The following UBR4 variants were observed in gnomAD, a reference collection of about 807,000 sequenced individuals.
UBR4 encodes the protein E3 ubiquitin-protein ligase UBR4.
A neutral mutation model predicts 575.6 loss-of-function variants in UBR4; 124 were observed. The ratio of observed to expected loss-of-function variants is 0.22; its 90% CI spans 0.19 to 0.25. UBR4 has a LOEUF of 0.25. Among genes scored for constraint, UBR4 ranks in the 10% least tolerant of loss-of-function variants. The probability of loss-of-function intolerance (pLI) is 1.00; values close to 1 mark genes in which losing one functional copy is unlikely to be tolerated. For synonymous variants in UBR4, 2,455 were observed against 2,473.7 expected (o/e 0.99, Z 0.22); for missense variants, 4,818 against 6,478.8 (o/e 0.74, Z 8.80).
intron 101 of UBR4, among the ~76,000 whole-genome samples, chr1:19,085,913 G>A (rs1023454188): frequency 6.6e-6 from 1 of 152,136 alleles, no homozygotes; most frequent in Non-Finnish European, 1.5e-5. Flanking sequence ...TGGAAGCTAA[G>A]GGTGCTGGTT....
intron 104 of UBR4, among the ~76,000 whole-genome samples, chr1:19,077,294 T>G (rs1416156633): frequency 6.6e-6 from 1 of 152,222 alleles, no homozygotes; most frequent in African/African-American, 2.4e-5. Flanking sequence ...TGTTATAAGC[T>G]GGCTGCGGTA....
chr1:19,156,674 C>T, intron 41 of UBR4, 93 bp downstream of exon 41: 1 of 1,501,422 alleles, frequency 6.7e-7, no homozygotes, highest in East Asian at 2.3e-5. Flanking sequence ...TTAATCTCCA[C>T]AACGAATAAG....
At chr1:19,094,831 A>G (rs558863307) in intron 94 of UBR4, 75 bp downstream of exon 94, 16 of 1,573,072 alleles carry the variant, frequency 1.0e-5, no homozygotes, top group African/African-American at 1.4e-5. Flanking sequence ...AGCCAGACAC[A>G]AACAGGCCTG....
chr1:19,202,556 A>G (rs973031455), intron 1 of UBR4, among the ~76,000 whole-genome samples: 1 of 152,192 alleles, frequency 6.6e-6, no homozygotes, highest in Non-Finnish European at 1.5e-5. Context: ...GATCAGTGCT[A>G]AAGTCCAAAA....
intron 66 of UBR4, among the ~76,000 whole-genome samples, 180 bp from the exon 67 acceptor site, chr1:19,122,192 G>A (rs1182183438): frequency 1.3e-5 from 2 of 152,196 alleles, no homozygotes; most frequent in Non-Finnish European, 2.9e-5. Context: ...ACACACTGCT[G>A]CAACCGCTGC....
chr1:19,078,070 G>A lies in UBR4; in HGVS notation c.15234-4C>T, dbSNP rs751418000. On this transcript the variant is annotated splice_polypyrimidine_tract_variant and splice_region_variant and intron_variant, in intron 103 of 105. Transcript: ENST00000375254. ...CTTCACTGCCTTATCTGTCAGCCTGGAAAAGAAAATCCAGTTCCATCACAT... is the reference window on the plus strand; with the variant it reads ...CTTCACTGCCTTATCTGTCAGCCTGAAAAAGAAAATCCAGTTCCATCACAT... 4 of 1,613,574 alleles carry A rather than the reference G, an allele frequency of 2.5e-6. No homozygotes were observed. The highest frequency in any genetic ancestry group is 3.4e-6 in the Non-Finnish European group (4 of 1,179,840).
chr1:19,142,325 T>C (rs1313117674), intron 55 of UBR4, among the ~76,000 whole-genome samples: 2 of 152,240 alleles, frequency 1.3e-5, no homozygotes, highest in African/African-American at 4.8e-5. Context: ...GTGCCCACTT[T>C]TGTGTGAAGG....
At chr1:19,190,312 A>AAAATATATATATAT in intron 11 of UBR4, among the ~76,000 whole-genome samples, 25 of 79,860 alleles carry the variant, frequency 3.1e-4, no homozygotes, top group Admixed American at 5.4e-4. Context: ...AAAAAAAAAA[A>AAAATATATATATAT]ATATATATAT....
chr1:19,187,044 G>T, intron 13 of UBR4, 120 bp downstream of exon 13: 1 of 795,520 alleles, frequency 1.3e-6, no homozygotes, highest in Non-Finnish European at 1.6e-6. Context: ...AGGTCATGGT[G>T]TGTAGTCAGT....
chr1:19,198,971 T>C (rs2092611397), intron 3 of UBR4, 43 bp from the exon 4 acceptor site: 11 of 1,595,568 alleles, frequency 6.9e-6, no homozygotes, highest in African/African-American at 1.4e-5. Flanking sequence ...CAAAAACAAA[T>C]AGATCTTTCA....
rs2087937260 is a variant in UBR4, at chr1:19,164,456, A to G, written c.4512-15T>C. Reference sequence around the variant, plus strand: ...CCCCAACTTGGCTAGGAGAAAAGAAAGAGCAAGTTGGTGAATAATCAACAG... The same window carrying G: ...CCCCAACTTGGCTAGGAGAAAAGAAGGAGCAAGTTGGTGAATAATCAACAG... On this transcript the variant is annotated splice_polypyrimidine_tract_variant and intron_variant, in intron 32 of 105. Transcript: ENST00000375254. 1 of 1,609,536 alleles carries G rather than the reference A, an allele frequency of 6.2e-7. No homozygotes were observed. Among genetic ancestry groups the G allele is most frequent in the Non-Finnish European group, 8.5e-7 (1 of 1,177,630 alleles).
chr1:19,141,839 C>CA, intron 55 of UBR4, 62 bp from the exon 56 acceptor site: 1 of 1,592,170 alleles, frequency 6.3e-7, no homozygotes, highest in Middle Eastern at 1.7e-4. Context: ...CACATGGTGC[C>CA]ATAAGTCAGG....
In UBR4 at chr1:19,100,658, G is replaced by T; in HGVS notation, c.13024-85C>A. 7.4e-7 allele frequency: 1 copy of T among 1,346,452 alleles called. No individual in the cohort carries two copies. Among genetic ancestry groups the T allele is most frequent in the African/African-American group, 1.4e-5 (1 of 69,444 alleles). 83.4% of individuals were successfully genotyped at this position (1,346,452 alleles called of 1,614,324 possible). On this transcript the variant is annotated intron_variant, in intron 88 of 105. Transcript: ENST00000375254. This position sits in a 1 kb window ranked among gnomAD's most constrained non-coding sequence, Gnocchi z 4.2. The stretch of plus-strand genomic sequence containing the variant: ...GCTACCTTGTTCCATGGACACTCGA[G>T]GAAAACACACCAAACTCAGCAAGCC...
intron 25 of UBR4, among the ~76,000 whole-genome samples, chr1:19,171,623 C>T (rs1348015249): frequency 1.3e-5 from 2 of 152,090 alleles, no homozygotes; most frequent in Non-Finnish European, 2.9e-5. Context: ...GGTGGATCAC[C>T]TGAGGTCGGG....
At chr1:19,118,248 TC>T (rs1234577690) in intron 71 of UBR4, 1 of 189,220 alleles carries the variant, frequency 5.3e-6, no homozygotes, top group East Asian at 1.4e-4. Flanking sequence ...ATAAATTATC[TC>T]AATAAAGTTT....
At chr1:19,178,084 C>T (rs376423105) in intron 18 of UBR4, among the ~76,000 whole-genome samples, 1 of 152,234 alleles carries the variant, frequency 6.6e-6, no homozygotes, top group South Asian at 2.1e-4. Flanking sequence ...AAAAATGTTG[C>T]TATTGTTCCT....
rs200325025 is a variant in UBR4, at chr1:19,172,933, G to A, written c.3452C>T (p.Ser1151Leu). The A allele has an allele frequency of 8.1e-5, 130 of 1,614,114 alleles. No homozygotes were observed. The East Asian group carries it at 1.7e-3, about 21-fold the overall frequency. ...AAGTAGGTTCTTGGTAATCTCAGAC[G>A]ACTTATGAGGATCAGTCTCAGCAGC... The part of the protein sequence containing the change: ...KMAAETDPHK[S>L]SEITKNLLPA... The change falls in exon 25 of 106, where the codon TCG becomes TTG. Residue 1151 changes from serine to leucine, a missense_variant. By Grantham distance (145) the Ser-to-Leu change is moderately radical. Coordinates refer to ENST00000375254, the MANE Select transcript of UBR4 (RefSeq NM_020765.3).
intron 104 of UBR4, 110 bp downstream of exon 104, chr1:19,077,866 C>T (rs2076107073): frequency 1.3e-6 from 2 of 1,586,006 alleles, no homozygotes; most frequent in South Asian, 2.3e-5. Flanking sequence ...AAAGCGCCCC[C>T]AGGCCCAGCG....
chr1:19,137,615 C>T (rs773484218), intron 60 of UBR4, among the ~76,000 whole-genome samples: 6 of 152,168 alleles, frequency 3.9e-5, no homozygotes, highest in Non-Finnish European at 7.3e-5. Flanking sequence ...GCTTCTAGGA[C>T]ACCTAATACG....
Sources: allele counts gnomAD v4.1 joint callset (sites outside exome capture counted in the v4.1 genomes callset), GRCh38; gene constraint gnomAD v4.1.1; non-coding constraint Gnocchi (gnomAD v3.1); transcripts MANE v1.5; gene names NCBI Gene and HGNC (gene_info 2026-07-23, HGNC 2026-07-21).